The following GRID1 variants were observed in gnomAD, a reference collection of about 807,000 sequenced individuals.
GRID1 encodes glutamate receptor ionotropic, delta-1.
Under a neutral mutation model 98.0 loss-of-function variants are expected in GRID1, and 28 were observed. The observed-to-expected ratio is 0.29, with a 90% CI of 0.21 to 0.39. The LOEUF (loss-of-function observed/expected upper bound fraction) is 0.39. GRID1 is among the 10% of genes least tolerant of loss of function. The probability of loss-of-function intolerance (pLI) is 1.00; values close to 1 mark genes in which losing one functional copy is unlikely to be tolerated. For missense variants in GRID1, 1,111 were observed against 1,340.5 expected (o/e 0.83, Z 2.67); for synonymous variants, 553 against 538.5 (o/e 1.03, Z -0.37).
At chr10:85,674,875 T>G (rs973344648) in intron 12 of GRID1, among the ~76,000 whole-genome samples, 8 of 152,144 alleles carry the variant, frequency 5.3e-5, no homozygotes, top group Non-Finnish European at 1.0e-4. Flanking sequence ...AGGAGACATA[T>G]GTAGGACAAA....
intron 12 of GRID1, among the ~76,000 whole-genome samples, chr10:85,693,580 A>T (rs1375194683): frequency 6.6e-6 from 1 of 152,200 alleles, no homozygotes; most frequent in Non-Finnish European, 1.5e-5. Context: ...CTGGTATAAA[A>T]ATAAATACAC....
chr10:86,006,615 TAA>T (rs756394543), intron 4 of GRID1, among the ~76,000 whole-genome samples: 2 of 140,732 alleles, frequency 1.4e-5, no homozygotes, highest in Non-Finnish European at 1.6e-5. Context: ...AGACGCCGTC[TAA>T]AAAAAAAAAA....
At chr10:85,854,379 G>T in intron 8 of GRID1, 117 bp downstream of exon 8, 2 of 895,868 alleles carry the variant, frequency 2.2e-6, no homozygotes, top group Non-Finnish European at 3.6e-6. Context: ...AGAGAGACTA[G>T]GAGGGAGGAT....
chr10:86,343,538 T>C (rs1173630068), intron 2 of GRID1, among the ~76,000 whole-genome samples: 1 of 152,234 alleles, frequency 6.6e-6, no homozygotes. Context: ...TAAAATGAGA[T>C]GAAATATTCC....
chr10:86,024,971 T>C (rs1021240835), intron 4 of GRID1, among the ~76,000 whole-genome samples: 2 of 152,198 alleles, frequency 1.3e-5, no homozygotes, highest in African/African-American at 4.8e-5. Context: ...CCAGGAAAGC[T>C]AGCCTGAGGA....
rs1057121763 is a variant in GRID1, at chr10:85,618,926, T to C, written c.2360+941A>G. On this transcript the variant is annotated intron_variant, in intron 14 of 15. Transcript: ENST00000327946. The stretch of plus-strand genomic sequence containing the variant: ...TTATGAGGACTCTCACGTCTCCAAA[T>C]AGAAGTTCCTTAGTACTGAAATTCA... 2.6e-5 allele frequency among the ~76,000 whole-genome samples: 4 copies of C among 152,204 alleles called. No individual in the cohort carries two copies. In the East Asian group the frequency reaches 5.8e-4, roughly 22 times the overall value.
intron 4 of GRID1, among the ~76,000 whole-genome samples, chr10:86,009,769 A>G (rs1220864670): frequency 6.6e-6 from 1 of 152,188 alleles, no homozygotes; most frequent in Admixed American, 6.5e-5. Context: ...TCCTAACCCA[A>G]CCTAAGCAGA....
intron 4 of GRID1, among the ~76,000 whole-genome samples, chr10:85,967,194 T>C (rs1361141838): frequency 6.6e-6 from 1 of 152,222 alleles, no homozygotes; most frequent in East Asian, 1.9e-4. Flanking sequence ...CCTTTTTCTT[T>C]ATAAATTACT....
At chr10:85,755,604 C>T (rs1162429136) in intron 8 of GRID1, among the ~76,000 whole-genome samples, 1 of 152,170 alleles carries the variant, frequency 6.6e-6, no homozygotes, top group Non-Finnish European at 1.5e-5. Context: ...AAGGAGGGCG[C>T]TCATGCTCTG....
intron 3 of GRID1, among the ~76,000 whole-genome samples, chr10:86,200,317 T>C (rs1845929462): frequency 6.6e-6 from 1 of 152,168 alleles, no homozygotes; most frequent in Non-Finnish European, 1.5e-5. Context: ...CTAACCACCT[T>C]GCCATAGGCT....
intron 5 of GRID1, 33 bp from the exon 6 acceptor site, chr10:85,869,213 C>G (rs1335330764): frequency 6.3e-7 from 1 of 1,582,812 alleles, no homozygotes; most frequent in South Asian, 1.1e-5. Flanking sequence ...GCTTACCATC[C>G]ACTCATGAAC....
At chr10:85,923,342 A>C (rs1214655735) in intron 4 of GRID1, among the ~76,000 whole-genome samples, 1 of 152,164 alleles carries the variant, frequency 6.6e-6, no homozygotes, top group Admixed American at 6.5e-5. Flanking sequence ...CATCTGAGAA[A>C]GCTGTATCAG....
intron 4 of GRID1, among the ~76,000 whole-genome samples, chr10:86,090,320 G>A (rs1434888327): frequency 6.6e-6 from 1 of 151,974 alleles, no homozygotes; most frequent in Non-Finnish European, 1.5e-5. Flanking sequence ...CAGCTACTTG[G>A]GAGAACTTCT....
chr10:86,290,653 A>AAAAAT (rs55827038), intron 2 of GRID1, among the ~76,000 whole-genome samples: 417 of 149,712 alleles, frequency 2.8e-3, no homozygotes, highest in East Asian at 9.7e-3. Flanking sequence ...ACTCTGTCTC[A>AAAAAT]AAAATAAAAT....
chr10:85,714,282 A>G (rs1267974079), intron 12 of GRID1, among the ~76,000 whole-genome samples: 1 of 152,062 alleles, frequency 6.6e-6, no homozygotes, highest in Non-Finnish European at 1.5e-5. Context: ...GAAGGAGCGT[A>G]TCAGAAAAAA....
intron 4 of GRID1, among the ~76,000 whole-genome samples, chr10:85,966,189 A>T (rs1349277671): frequency 1.3e-5 from 2 of 152,240 alleles, no homozygotes; most frequent in Non-Finnish European, 1.5e-5. Flanking sequence ...AAAAACAATT[A>T]GAAGCAATTG....
In GRID1 at chr10:86,249,253, T is replaced by C. The variant is rs1846782106; in HGVS notation, c.236-42605A>G. On this transcript the variant is annotated intron_variant, in intron 2 of 15. Transcript: ENST00000327946. ...GCCCCTCCCTTGGCAGCAGGACCTA[T>C]GTCCTGGGGTTAGACCTGGGAGATC... is the stretch of plus-strand genomic sequence containing the variant. Among the ~76,000 whole-genome samples, 7 of 152,306 alleles carry C rather than the reference T, an allele frequency of 4.6e-5. No homozygotes were observed. In the South Asian group the frequency reaches 1.4e-3, roughly 32 times the overall value.
chr10:85,693,565 G>T (rs1184979374), intron 12 of GRID1, among the ~76,000 whole-genome samples: 1 of 151,868 alleles, frequency 6.6e-6, no homozygotes, highest in Non-Finnish European at 1.5e-5. Flanking sequence ...AAAAACAGCA[G>T]GGTACTGGTA....
chr10:86,135,087 C>T (rs1234675811), intron 4 of GRID1, among the ~76,000 whole-genome samples: 1 of 152,192 alleles, frequency 6.6e-6, no homozygotes, highest in Non-Finnish European at 1.5e-5. Flanking sequence ...GAGCAAGGCC[C>T]CTCTCAGCAG....
Sources: allele counts gnomAD v4.1 joint callset (sites outside exome capture counted in the v4.1 genomes callset), GRCh38; gene constraint gnomAD v4.1.1; transcripts MANE v1.5; gene names NCBI Gene and HGNC (gene_info 2026-07-23, HGNC 2026-07-21).